Variants in CAV1 observed in about 807,000 individuals in gnomAD.
CAV1 encodes caveolin-1.
In CAV1, 10 loss-of-function variants were observed where a neutral mutation model predicts 16.5. The observed-to-expected ratio is 0.61, with a 90% CI of 0.37 to 1.03. CAV1 has a LOEUF of 1.03. Among genes scored for constraint, CAV1 ranks in the 50% least tolerant of loss-of-function variants. The probability of loss-of-function intolerance (pLI) is 0.01; values close to 1 mark genes in which losing one functional copy is unlikely to be tolerated. For synonymous variants in CAV1, 76 were observed against 85.1 expected, an observed-to-expected ratio of 0.89 and a Z score of 0.59; for missense variants, 212 against 232.8, an observed-to-expected ratio of 0.91 and a Z score of 0.58.
At chr7:116,548,865 G>A (rs1231404119) in intron 2 of CAV1, among the ~76,000 whole-genome samples, 1 of 152,174 alleles carries the variant, frequency 6.6e-6, no homozygotes, top group Non-Finnish European at 1.5e-5. Context: ...ATAGCACTGT[G>A]TAACATGAGT....
chr7:116,534,389 A>T (rs1445450721), intron 2 of CAV1, among the ~76,000 whole-genome samples: 394 of 8,756 alleles, frequency 0.045, 9 homozygotes, highest in East Asian at 0.23. Context: ...ATATATATAT[A>T]TATATATTTT....
intron 2 of CAV1, among the ~76,000 whole-genome samples, chr7:116,531,589 T>TTTA (rs752051830): frequency 6.6e-6 from 1 of 152,078 alleles, no homozygotes; most frequent in Non-Finnish European, 1.5e-5. Context: ...AAGATTTATT[T>TTTA]TTATTATTAT....
At chr7:116,534,159 AGT>A (rs1168884834) in intron 2 of CAV1, among the ~76,000 whole-genome samples, 1 of 151,776 alleles carries the variant, frequency 6.6e-6, no homozygotes, top group Non-Finnish European at 1.5e-5. Context: ...CAGAAGTTAC[AGT>A]GTGCCAAGAT....
At chr7:116,526,287 C>T (rs1411496846) in intron 1 of CAV1, 15 of 1,310,594 alleles carry the variant, frequency 1.1e-5, no homozygotes, top group African/African-American at 3.0e-5. Flanking sequence ...GGCAGGCGCG[C>T]CCTGCAGAGT....
chr7:116,536,959 C>T (rs1024898551), intron 2 of CAV1, among the ~76,000 whole-genome samples: 26 of 141,906 alleles, frequency 1.8e-4, no homozygotes, highest in African/African-American at 5.7e-4. Context: ...GCCGAGATTG[C>T]GCCATTGCAG....
chr7:116,556,383 A>G (rs1794294383), intron 2 of CAV1, among the ~76,000 whole-genome samples: 1 of 152,212 alleles, frequency 6.6e-6, no homozygotes, highest in Admixed American at 6.5e-5. Flanking sequence ...CCTTTTAATT[A>G]TGAAATAGCA....
chr7:116,525,088 C>A lies in CAV1; in HGVS notation c.26C>A (p.Ser9Ter), dbSNP rs1793526342. 1.2e-6 allele frequency: 2 copies of A among 1,614,100 alleles called. No homozygotes were observed. The highest frequency in any genetic ancestry group is 1.7e-6 in the Non-Finnish European group (2 of 1,180,016). The change falls in exon 1 of 3, where the codon TCG becomes TAG. Residue 9 changes from serine (S) to a stop codon, truncating the protein, a stop_gained. Transcript: ENST00000341049. LOFTEE classifies it high-confidence loss of function. The stretch of plus-strand genomic sequence containing the variant: ...ATGTCTGGGGGCAAATACGTAGACT[C>A]GGAGGTAGGCATCCGTGGGGGGGCG... MSGGKYVD[S>*]EGHLYTVPIR...
chr7:116,545,752 A>G (rs546791495), intron 2 of CAV1, among the ~76,000 whole-genome samples: 9 of 152,326 alleles, frequency 5.9e-5, no homozygotes, highest in African/African-American at 2.2e-4. Context: ...AAAATGATGA[A>G]GACATTTCCG....
At chr7:116,547,229 G>A (rs151139982) in intron 2 of CAV1, among the ~76,000 whole-genome samples, 90 of 152,304 alleles carry the variant, frequency 5.9e-4, no homozygotes, top group African/African-American at 2.1e-3. Flanking sequence ...AACAGAGCTT[G>A]TTGAAGGGGG....
rs1794292830 is a variant in CAV1 at position 116,556,321 on chromosome 7, T to C, written c.196-2625T>C. Among the ~76,000 whole-genome samples, 3 of 152,238 alleles carry C rather than the reference T, an allele frequency of 2.0e-5. No homozygotes were observed. In the South Asian group the frequency reaches 6.2e-4, roughly 32 times the overall value. ...GTCCTCAAAGAACATGCCGGGAGAATTGTTGCAGTTACCAGAGGGTTAAAT... is the reference window on the plus strand; with the variant it reads ...GTCCTCAAAGAACATGCCGGGAGAACTGTTGCAGTTACCAGAGGGTTAAAT... On this transcript the variant is annotated intron_variant, in intron 2 of 2. Coordinates refer to ENST00000341049, the MANE Select transcript of CAV1 (RefSeq NM_001753.5).
intron 2 of CAV1, among the ~76,000 whole-genome samples, chr7:116,546,352 G>C (rs1462659215): frequency 6.6e-6 from 1 of 152,066 alleles, no homozygotes; most frequent in Non-Finnish European, 1.5e-5. Flanking sequence ...ACAGCCAGCT[G>C]GTCTGCAGTG....
intron 2 of CAV1, among the ~76,000 whole-genome samples, chr7:116,529,555 G>A (rs1793641217): frequency 3.3e-5 from 5 of 151,932 alleles, no homozygotes. Flanking sequence ...GCATCCCCTT[G>A]CCAAGTTAAA....
At chr7:116,526,267 G>A in intron 1 of CAV1, 3 of 1,250,538 alleles carry the variant, frequency 2.4e-6, no homozygotes, top group South Asian at 1.6e-5. Flanking sequence ...CCCTGGCGGC[G>A]GGCGGGGGAG....
chr7:116,559,421 C>G lies in CAV1; in HGVS notation c.*134C>G. On this transcript the variant is annotated 3_prime_UTR_variant, in exon 3 of 3. Transcript: ENST00000341049. ...ATCTTGGTTGAAAATAAAAAGATCA[C>G]TTTCTCAGTTTTCATAAGTATTATG... is the stretch of plus-strand genomic sequence containing the variant. The G allele has an allele frequency of 1.4e-6, 1 of 689,826 alleles. No individual in the cohort carries two copies. The allele number at this position is 689,826 out of a possible 1,614,324, so 42.7% of individuals were successfully genotyped here. A position where few individuals can be genotyped will look rare whatever the true frequency, so the allele number is the denominator to read the frequency against.
chr7:116,546,175 C>T (rs964944808), intron 2 of CAV1, among the ~76,000 whole-genome samples: 1 of 152,106 alleles, frequency 6.6e-6, no homozygotes, highest in African/African-American at 2.4e-5. Context: ...TTTGGTAACA[C>T]TCAACATCAA....
chr7:116,550,483 C>G (rs1444941876), intron 2 of CAV1, among the ~76,000 whole-genome samples: 1 of 152,204 alleles, frequency 6.6e-6, no homozygotes, highest in Non-Finnish European at 1.5e-5. Context: ...AGCACTGCAG[C>G]CTTTTCCCCA....
rs1231263155 is a variant in CAV1 at position 116,526,571 on chromosome 7, A to G, written c.77A>G (p.Lys26Arg). Residue 26 changes from lysine to arginine, a missense_variant, in exon 2 of 3, where the codon AAG becomes AGG. Coordinates refer to ENST00000341049, the MANE Select transcript of CAV1 (RefSeq NM_001753.5). ...ATCCGGGAACAGGGCAACATCTACA[A>G]GCCCAACAACAAGGCCATGGCAGAC... is the stretch of plus-strand genomic sequence containing the variant. The part of the protein sequence containing the change: ...VPIREQGNIY[K>R]PNNKAMADEL... 6.2e-7 allele frequency: 1 copy of G among 1,614,060 alleles called. No homozygotes were observed. The highest frequency in any genetic ancestry group is 1.3e-5 in the African/African-American group (1 of 74,918).
chr7:116,549,000 C>T (rs1464643065), intron 2 of CAV1, among the ~76,000 whole-genome samples: 1 of 152,076 alleles, frequency 6.6e-6, no homozygotes, highest in Non-Finnish European at 1.5e-5. Context: ...TCTATGCATC[C>T]CTCCCACCCA....
intron 2 of CAV1, among the ~76,000 whole-genome samples, chr7:116,533,773 A>T (rs1450672545): frequency 6.6e-6 from 1 of 152,212 alleles, no homozygotes; most frequent in Non-Finnish European, 1.5e-5. Context: ...TAGTCCAAAC[A>T]ACACGTCATT....
Sources: gnomAD v4.1 joint callset for allele counts (sites outside exome capture counted in the v4.1 genomes callset) on GRCh38, gnomAD v4.1.1 for gene constraint, MANE v1.5 for transcripts, NCBI Gene and HGNC (gene_info 2026-07-23, HGNC 2026-07-21) for gene names.